CPSF4L: variants seen among roughly 807,000 people sequenced by gnomAD.
CPSF4L encodes cleavage and polyadenylation specific factor 4 like.
In CPSF4L, 18 loss-of-function variants were observed where a neutral mutation model predicts 24.0. The observed-to-expected ratio is 0.75, with a 90% CI of 0.52 to 1.11. The LOEUF (loss-of-function observed/expected upper bound fraction) is 1.11, where lower values mean the gene tolerates loss of function less well. Among genes scored for constraint, CPSF4L ranks in the 50% least tolerant of loss-of-function variants. The probability of loss-of-function intolerance (pLI) is 0.00; values close to 1 mark genes in which losing one functional copy is unlikely to be tolerated. For synonymous variants in CPSF4L, 72 were observed against 77.2 expected (o/e 0.93, Z 0.35); for missense variants, 211 against 221.8 (o/e 0.95, Z 0.31).
intron 3 of CPSF4L, among the ~76,000 whole-genome samples, chr17:73,256,914 C>A (rs9902368): frequency 1.1e-4 from 16 of 152,286 alleles, no homozygotes; most frequent in African/African-American, 3.9e-4. Context: ...GTAATCCCAG[C>A]TACTCAGGAG....
downstream of CPSF4L, among the ~76,000 whole-genome samples, chr17:73,244,172 T>TA (rs1322095075): frequency 1.3e-5 from 2 of 152,200 alleles, no homozygotes; most frequent in Non-Finnish European, 2.9e-5. Flanking sequence ...ATTGTATTAT[T>TA]AAAAAAATCC....
At chr17:73,253,191 C>G (rs574347075) in intron 4 of CPSF4L, among the ~76,000 whole-genome samples, 1 of 152,176 alleles carries the variant, frequency 6.6e-6, no homozygotes, top group East Asian at 1.9e-4. Flanking sequence ...GAGACCCTGT[C>G]TCTACTAAAA....
At chr17:73,261,059 G>A (rs1175953291) in intron 1 of CPSF4L, 76 bp from the exon 2 acceptor site, 11 of 1,236,490 alleles carry the variant, frequency 8.9e-6, no homozygotes, top group Non-Finnish European at 1.2e-5. Flanking sequence ...CACCTCCATC[G>A]GCATGTCCCA....
At chr17:73,260,840 C>G in intron 2 of CPSF4L, 93 bp downstream of exon 2, 1 of 1,003,488 alleles carries the variant, frequency 1.0e-6, no homozygotes, top group South Asian at 1.5e-5. Flanking sequence ...AATTCGACAC[C>G]CTATCCCAGG....
intron 3 of CPSF4L, 44 bp from the exon 4 acceptor site, chr17:73,254,070 A>G: frequency 6.9e-7 from 1 of 1,456,860 alleles, no homozygotes; most frequent in Non-Finnish European, 9.4e-7. Context: ...TCTCTTTGTG[A>G]TCACTTCTGT....
chr17:73,258,093 T>G (rs1249779277), intron 2 of CPSF4L, among the ~76,000 whole-genome samples: 2 of 151,468 alleles, frequency 1.3e-5, no homozygotes, highest in African/African-American at 2.4e-5. Context: ...CACTGCAAGC[T>G]CCGCCTCCTG....
chr17:73,251,212 G>C (rs1599410736), intron 5 of CPSF4L: 1 of 1,275,466 alleles, frequency 7.8e-7, no homozygotes, highest in Non-Finnish European at 1.0e-6. Flanking sequence ...GGTGAAACCA[G>C]GGTTCAAGAT....
chr17:73,255,648 C>T (rs897033206), intron 3 of CPSF4L, among the ~76,000 whole-genome samples: 2 of 152,120 alleles, frequency 1.3e-5, no homozygotes, highest in Non-Finnish European at 2.9e-5. Flanking sequence ...TTTCATTCAG[C>T]TTCCTCACGT....
At chr17:73,248,358 G>A (rs539912633), downstream of CPSF4L, 125 of 786,708 alleles carry the variant, frequency 1.6e-4, 1 homozygote, top group South Asian at 1.5e-3. Context: ...GAAAAAGAAC[G>A]TCTCTAACAT....
chr17:73,242,365 TTGAC>T, the CPSF4L span: 25 of 1,512,772 alleles, frequency 1.7e-5, no homozygotes, highest in East Asian at 4.9e-4. Flanking sequence ...AGGCTGGAGT[TTGAC>T]TGTTGTCTTC....
intron 1 of CPSF4L, among the ~76,000 whole-genome samples, 182 bp from the exon 2 acceptor site, chr17:73,261,165 C>A (rs1393701444): frequency 6.6e-6 from 1 of 152,220 alleles, no homozygotes; most frequent in African/African-American, 2.4e-5. Context: ...AACCCTTAAC[C>A]CCCCAACTCT....
At chr17:73,243,086 T>TGTTTTTTTG in the CPSF4L span, 2 of 987,740 alleles carry the variant, frequency 2.0e-6, no homozygotes, top group African/African-American at 1.7e-5. Context: ...AATTTTTTTT[T>TGTTTTTTTG]TTTTTTTTTT....
chr17:73,242,255 G>A, the CPSF4L span: 1 of 1,586,394 alleles, frequency 6.3e-7, no homozygotes, highest in Non-Finnish European at 8.6e-7. Flanking sequence ...TTCTTTGTTG[G>A]AACGAAGCTC....
intron 5 of CPSF4L, chr17:73,251,044 G>A: frequency 6.5e-7 from 1 of 1,549,952 alleles, no homozygotes; most frequent in Non-Finnish European, 8.7e-7. Flanking sequence ...GGGGATGGGG[G>A]TTTCCAAGCT....
At chr17:73,242,198 G>A in the CPSF4L span, 1 of 1,284,734 alleles carries the variant, frequency 7.8e-7, no homozygotes, top group Non-Finnish European at 1.1e-6. Context: ...AGGGAAGGGG[G>A]TACGTTTCGG....
intron 2 of CPSF4L, among the ~76,000 whole-genome samples, chr17:73,258,662 A>G (rs924263997): frequency 6.6e-6 from 1 of 151,894 alleles, no homozygotes; most frequent in Non-Finnish European, 1.5e-5. Flanking sequence ...CATCCTTCCC[A>G]TCTGCCTGGA....
At chr17:73,248,441 G>A (rs748494165), downstream of CPSF4L, 43 of 1,489,008 alleles carry the variant, frequency 2.9e-5, no homozygotes, top group Admixed American at 3.9e-5. Context: ...GGTAAAAGTC[G>A]TGTTCTGCCC....
At chr17:73,248,739 G>C in intron 5 of CPSF4L, 2 of 556,294 alleles carry the variant, frequency 3.6e-6, no homozygotes, top group Non-Finnish European at 6.4e-6. Flanking sequence ...CGTGGTCTGT[G>C]TAAGTGGATT....
intron 5 of CPSF4L, among the ~76,000 whole-genome samples, 168 bp downstream of exon 5, chr17:73,252,462 G>A (rs1306146761): frequency 1.3e-5 from 2 of 152,238 alleles, no homozygotes; most frequent in Non-Finnish European, 2.9e-5. Context: ...ATGGGTTAGA[G>A]TTCTGAGATT....
Sources: gnomAD v4.1 joint callset for allele counts (sites outside exome capture counted in the v4.1 genomes callset) on GRCh38, gnomAD v4.1.1 for gene constraint, MANE v1.5 for transcripts, NCBI Gene and HGNC (gene_info 2026-07-23, HGNC 2026-07-21) for gene names.